Variants in DACH1 observed in about 807,000 individuals in gnomAD.
The protein encoded by DACH1 is dachshund family transcription factor 1.
In DACH1, 12 loss-of-function variants were observed where a neutral mutation model predicts 54.2. That is an observed-to-expected ratio of 0.22 (90% confidence interval 0.14 to 0.36). DACH1 has a LOEUF of 0.36. Ranked by LOEUF, DACH1 falls within the 10% of genes least tolerant of loss-of-function variation. DACH1 has a pLI of 1.00. For synonymous variants in DACH1, 386 were observed against 366.2 expected, an observed-to-expected ratio of 1.05 and a Z score of -0.62; for missense variants, 805 against 929.8, an observed-to-expected ratio of 0.87 and a Z score of 1.75.
At chr13:71,482,099 G>C (rs1257451681) in intron 7 of DACH1, among the ~76,000 whole-genome samples, 1 of 152,152 alleles carries the variant, frequency 6.6e-6, no homozygotes, top group Non-Finnish European at 1.5e-5. Flanking sequence ...CCACAGCAAT[G>C]GTGAGAGACA....
chr13:71,724,867 C>T (rs1883397718), intron 1 of DACH1, among the ~76,000 whole-genome samples: 4 of 152,100 alleles, frequency 2.6e-5, no homozygotes, highest in South Asian at 2.1e-4. Flanking sequence ...CTCAAACACT[C>T]GTCTTAGAAA....
intron 6 of DACH1, among the ~76,000 whole-genome samples, chr13:71,505,086 C>T (rs985082521): frequency 6.6e-6 from 1 of 151,748 alleles, no homozygotes. Context: ...TCCTTCCTTC[C>T]TTCCTTCTTT....
At chr13:71,452,464 C>T (rs117157088) in intron 10 of DACH1, among the ~76,000 whole-genome samples, 4,298 of 152,138 alleles carry the variant, frequency 0.028, 95 homozygotes, top group Middle Eastern at 0.068. Context: ...AAAAAAATTA[C>T]ATCAGCTATA....
chr13:71,740,858 T>C (rs912133620), intron 1 of DACH1, among the ~76,000 whole-genome samples: 10 of 152,174 alleles, frequency 6.6e-5, no homozygotes, highest in African/African-American at 2.4e-4. Context: ...AACATAGATT[T>C]GAATATTCTC....
intron 1 of DACH1, among the ~76,000 whole-genome samples, chr13:71,708,204 G>A (rs917839015): frequency 2.0e-5 from 3 of 151,314 alleles, no homozygotes; most frequent in Non-Finnish European, 2.9e-5. Context: ...GCTTATTCCT[G>A]TGCCTCGATC....
At chr13:71,853,168 T>C (rs1459274221) in intron 1 of DACH1, among the ~76,000 whole-genome samples, 1 of 152,190 alleles carries the variant, frequency 6.6e-6, no homozygotes, top group Non-Finnish European at 1.5e-5. Context: ...ACATTAGACA[T>C]TGCTAAACCA....
chr13:71,667,898 G>T (rs1879946511), intron 2 of DACH1, among the ~76,000 whole-genome samples: 1 of 151,936 alleles, frequency 6.6e-6, no homozygotes, highest in Non-Finnish European at 1.5e-5. Flanking sequence ...AATCAACATG[G>T]TTCCATGGAA....
At chr13:71,526,106 T>C (rs1172799291) in intron 6 of DACH1, among the ~76,000 whole-genome samples, 4 of 152,184 alleles carry the variant, frequency 2.6e-5, no homozygotes, top group Admixed American at 2.6e-4. Flanking sequence ...ATTTAGATTT[T>C]TCTACTGCAT....
In DACH1 at chr13:71,440,161, T is replaced by C. The variant is rs1873887995; in HGVS notation, c.*494A>G. 1 of 152,430 alleles carries C rather than the reference T, an allele frequency of 6.6e-6. No homozygotes were observed. Among genetic ancestry groups the C allele is most frequent in the Non-Finnish European group, 1.5e-5 (1 of 67,928 alleles). The allele number at this position is 152,430 out of a possible 1,614,324, so 9.4% of individuals were successfully genotyped here. On this transcript the variant is annotated 3_prime_UTR_variant, in exon 11 of 11. Transcript: ENST00000613252. ...TAACAGAAAATCACTCTTGCATTTT[T>C]TTTTTTCAAGAATCCTCTATGCCCC... is the stretch of plus-strand genomic sequence containing the variant.
intron 3 of DACH1, among the ~76,000 whole-genome samples, chr13:71,577,573 C>A (rs1160556691): frequency 6.6e-6 from 1 of 152,130 alleles, no homozygotes; most frequent in Non-Finnish European, 1.5e-5. Context: ...TTGTTTTTTA[C>A]TTTCTTTAAA....
chr13:71,633,916 T>A (rs1357531074), intron 2 of DACH1, among the ~76,000 whole-genome samples: 1 of 151,748 alleles, frequency 6.6e-6, no homozygotes, highest in African/African-American at 2.4e-5. Context: ...TCTCTTACTA[T>A]CCATGTCATA....
intron 1 of DACH1, among the ~76,000 whole-genome samples, chr13:71,818,263 T>C (rs1942301775): frequency 6.6e-6 from 1 of 152,040 alleles, no homozygotes; most frequent in South Asian, 2.1e-4. Flanking sequence ...GAAAACAGGG[T>C]GGCCTGATAG....
intron 1 of DACH1, among the ~76,000 whole-genome samples, chr13:71,812,763 G>A (rs574823891): frequency 1.3e-4 from 15 of 112,916 alleles, no homozygotes; most frequent in African/African-American, 2.7e-4. Flanking sequence ...TGTGTCCCAC[G>A]GAAAAAAAGG....
At chr13:71,765,162 T>C (rs1885567060) in intron 1 of DACH1, among the ~76,000 whole-genome samples, 1 of 152,188 alleles carries the variant, frequency 6.6e-6, no homozygotes, top group Non-Finnish European at 1.5e-5. Flanking sequence ...CATGAATTTG[T>C]TATCTTTTTC....
intron 1 of DACH1, among the ~76,000 whole-genome samples, chr13:71,845,031 A>G (rs1566538669): frequency 6.6e-6 from 1 of 152,146 alleles, no homozygotes; most frequent in East Asian, 1.9e-4. Context: ...AGAGGAGTCA[A>G]TTCTAGTGTT....
In DACH1 at chr13:71,501,903, A is replaced by G. The variant is rs150838184; in HGVS notation, c.1571-12755T>C. On this transcript the variant is annotated intron_variant, in intron 6 of 10. Transcript: ENST00000613252. ...GTTTTACTAGTGTTATACTTATTTT[A>G]CACATTAATATGTAGAGGTAAAAGA... Among the ~76,000 whole-genome samples the G allele has an allele frequency of 4.4e-3, 676 of 152,236 alleles. 4 individuals are homozygous for G. The highest frequency in any genetic ancestry group is 7.5e-3 in the Non-Finnish European group (513 of 68,014).
At chr13:71,599,414 CA>C (rs1874335686) in intron 3 of DACH1, among the ~76,000 whole-genome samples, 1 of 152,060 alleles carries the variant, frequency 6.6e-6, no homozygotes, top group Non-Finnish European at 1.5e-5. Flanking sequence ...CCTGGGCTTT[CA>C]GGGGTAGAAA....
chr13:71,848,134 G>A (rs772864936), intron 1 of DACH1, among the ~76,000 whole-genome samples: 18 of 151,880 alleles, frequency 1.2e-4, no homozygotes, highest in African/African-American at 1.9e-4. Context: ...AATAATACCC[G>A]CTTTAATTTT....
At chr13:71,493,932 C>T (rs1393733227) in intron 6 of DACH1, among the ~76,000 whole-genome samples, 3 of 152,032 alleles carry the variant, frequency 2.0e-5, no homozygotes, top group African/African-American at 7.2e-5. Flanking sequence ...TTATTAATTA[C>T]TTAGGTTTAC....
Sources: gnomAD v4.1 joint callset for allele counts (sites outside exome capture counted in the v4.1 genomes callset) on GRCh38, gnomAD v4.1.1 for gene constraint, MANE v1.5 for transcripts, NCBI Gene and HGNC (gene_info 2026-07-23, HGNC 2026-07-21) for gene names.